NOSTRIN: variants seen among roughly 807,000 people sequenced by gnomAD.
The protein encoded by NOSTRIN is nitric oxide synthase trafficking, also known as BM247 homolog.
NOSTRIN carries 63 observed loss-of-function variants against 59.0 expected under a neutral mutation model. That is an observed-to-expected ratio of 1.07 (90% CI 0.87 to 1.32). The LOEUF (loss-of-function observed/expected upper bound fraction) is 1.32, where lower values mean the gene tolerates loss of function less well. NOSTRIN is among the 40% of genes most tolerant of loss of function. The pLI is 0.00. For synonymous variants in NOSTRIN, 200 were observed against 165.4 expected (o/e 1.21, Z -1.61); for missense variants, 512 against 473.1 (o/e 1.08, Z -0.76).
intron 11 of NOSTRIN, chr2:168,855,790 C>A (rs1689063605): frequency 7.0e-6 from 3 of 425,842 alleles, no homozygotes; most frequent in Non-Finnish European, 1.3e-5. Context: ...ACATGGTCAA[C>A]CAACTGTGCA....
intron 14 of NOSTRIN, among the ~76,000 whole-genome samples, chr2:168,861,602 C>T (rs1280809967): frequency 6.6e-6 from 1 of 152,072 alleles, no homozygotes; most frequent in African/African-American, 2.4e-5. Flanking sequence ...ATGATGATAA[C>T]ATGCACATGC....
At chr2:168,831,400 G>A (rs889276502) in intron 5 of NOSTRIN, 72 bp from the exon 6 acceptor site, 41 of 791,694 alleles carry the variant, frequency 5.2e-5, no homozygotes, top group African/African-American at 4.4e-4. Context: ...TTAGGGGCAC[G>A]AACATTTAGT....
At chr2:168,804,130 A>G in intron 1 of NOSTRIN, among the ~76,000 whole-genome samples, 1 of 152,212 alleles carries the variant, frequency 6.6e-6, no homozygotes. Flanking sequence ...AAGAAACTGA[A>G]GGTCTAACAT....
At chr2:168,798,538 C>A (rs1486014787), upstream of NOSTRIN, among the ~76,000 whole-genome samples, 3 of 152,094 alleles carry the variant, frequency 2.0e-5, no homozygotes, top group Non-Finnish European at 2.9e-5. Context: ...GAATCCGTTG[C>A]AGGTTTTCTT....
At chr2:168,789,376 A>C (rs1685287993) in intron 2 of NOSTRIN, among the ~76,000 whole-genome samples, 1 of 152,238 alleles carries the variant, frequency 6.6e-6, no homozygotes, top group Non-Finnish European at 1.5e-5. Flanking sequence ...CGAAGGCAAA[A>C]GGCATATCTT....
intron 7 of NOSTRIN, among the ~76,000 whole-genome samples, 186 bp downstream of exon 7, chr2:168,834,511 A>ACACACACACG (rs1553527236): frequency 7.7e-5 from 10 of 129,394 alleles, no homozygotes; most frequent in South Asian, 2.6e-4. Context: ...GCGCGCGCAC[A>ACACACACACG]CACACACACA....
rs116734316 is a variant in NOSTRIN at position 168,863,569 on chromosome 2, T to A, written c.1385-1265T>A. On this transcript the variant is annotated intron_variant, in intron 15 of 15. Coordinates refer to ENST00000317647, the MANE Select transcript of NOSTRIN (RefSeq NM_001039724.4). Reference sequence around the variant, plus strand: ...AATTCTCTTTATTTGAATCATTGCTTTAAAAAATATTGTCTCCAAATTGAT... The same window carrying A: ...AATTCTCTTTATTTGAATCATTGCTATAAAAAATATTGTCTCCAAATTGAT... 3,486 of 985,258 alleles carry A rather than the reference T, an allele frequency of 3.5e-3. 110 individuals carry two copies. In the African/African-American group the frequency reaches 0.056, roughly 16 times the overall value. 61.0% of individuals were successfully genotyped at this position (985,258 alleles called of 1,614,324 possible).
At chr2:168,850,050 T>C (rs1385976617) in intron 8 of NOSTRIN, among the ~76,000 whole-genome samples, 3 of 151,680 alleles carry the variant, frequency 2.0e-5, no homozygotes, top group Admixed American at 6.6e-5. Context: ...GTAGCTGGGA[T>C]TACAGGCGTG....
At chr2:168,840,182 T>C (rs573567902) in intron 7 of NOSTRIN, among the ~76,000 whole-genome samples, 44 of 152,090 alleles carry the variant, frequency 2.9e-4, no homozygotes, top group African/African-American at 1.1e-3. Context: ...GCCAGGTTAA[T>C]GTTCACAAGC....
upstream of NOSTRIN, among the ~76,000 whole-genome samples, chr2:168,797,424 T>C (rs1685514047): frequency 6.6e-6 from 1 of 151,928 alleles, no homozygotes; most frequent in Admixed American, 6.6e-5. Context: ...CACAATAAGA[T>C]AAACAAAGTA....
At chr2:168,804,838 C>T (rs1685764751) in intron 1 of NOSTRIN, among the ~76,000 whole-genome samples, 1 of 152,040 alleles carries the variant, frequency 6.6e-6, no homozygotes, top group African/African-American at 2.4e-5. Context: ...GGCAACAAGC[C>T]CCAATACTAT....
At chr2:168,801,865 A>G (rs926282362), upstream of NOSTRIN, among the ~76,000 whole-genome samples, 2 of 152,036 alleles carry the variant, frequency 1.3e-5, no homozygotes, top group Admixed American at 6.6e-5. Context: ...GATCTAGGCA[A>G]TTTTTTCTTT....
intron 13 of NOSTRIN, 55 bp from the exon 14 acceptor site, chr2:168,860,740 T>A: frequency 9.2e-7 from 1 of 1,086,542 alleles, no homozygotes; most frequent in South Asian, 1.4e-5. Context: ...TTAATTTTCA[T>A]GAATGTTTAT....
chr2:168,792,426 G>A lies in NOSTRIN; in HGVS notation c.-473+4378G>A, dbSNP rs948063090. Among the ~76,000 whole-genome samples, 4 of 152,042 alleles carry A rather than the reference G, an allele frequency of 2.6e-5. No homozygotes were observed. The East Asian group carries it at 7.7e-4, about 29-fold the overall frequency. ...GAATAGTTTTATTTTTTAGTGTTTT[G>A]TATGTATAATATAAAATTATCTTTA... On this transcript the variant is annotated intron_variant, in intron 2 of 20. Transcript: ENST00000458381.
chr2:168,859,754 CAGTT>C (rs1283772738), intron 13 of NOSTRIN, 117 bp downstream of exon 13: 19 of 1,290,970 alleles, frequency 1.5e-5, no homozygotes, highest in East Asian at 7.2e-5. Flanking sequence ...AATATTCATG[CAGTT>C]AGTTAAGAAG....
chr2:168,860,561 CG>C (rs1689370477), intron 13 of NOSTRIN, among the ~76,000 whole-genome samples: 1 of 151,706 alleles, frequency 6.6e-6, no homozygotes, highest in Non-Finnish European at 1.5e-5. Flanking sequence ...ATCCCAGCTA[CG>C]GGGGAGGCTG....
chr2:168,836,842 C>T (rs1687748858), intron 7 of NOSTRIN, among the ~76,000 whole-genome samples: 1 of 152,198 alleles, frequency 6.6e-6, no homozygotes, highest in Non-Finnish European at 1.5e-5. Flanking sequence ...TTTCCCATAT[C>T]TTGGACAGCC....
At chr2:168,838,789 C>T (rs866039178) in intron 7 of NOSTRIN, among the ~76,000 whole-genome samples, 143 of 136,320 alleles carry the variant, frequency 1.0e-3, no homozygotes, top group African/African-American at 3.7e-3. Context: ...AAAAAAAACT[C>T]TTTTTTTTTT....
intron 11 of NOSTRIN, chr2:168,855,894 CA>C (rs746157523): frequency 2.2e-5 from 10 of 453,216 alleles, no homozygotes; most frequent in African/African-American, 1.6e-4. Context: ...AGAAGTTAGG[CA>C]TGTCAGACTG....
Sources: gnomAD v4.1 joint callset for allele counts (sites outside exome capture counted in the v4.1 genomes callset) on GRCh38, gnomAD v4.1.1 for gene constraint, MANE v1.5 for transcripts, NCBI Gene and HGNC (gene_info 2026-07-23, HGNC 2026-07-21) for gene names.